DLGAP2: variants seen among roughly 807,000 people sequenced by gnomAD.
DLGAP2 encodes disks large-associated protein 2.
In DLGAP2, 26 loss-of-function variants were observed where a neutral mutation model predicts 100.3. That is an observed-to-expected ratio of 0.26 (90% CI 0.19 to 0.36). The LOEUF is 0.36. Ranked by LOEUF, DLGAP2 falls within the 10% of genes least tolerant of loss-of-function variation. DLGAP2 has a pLI of 1.00. For missense variants in DLGAP2, 1,858 were observed against 1,453.2 expected (o/e 1.28, Z -4.53); for synonymous variants, 886 against 630.1 (o/e 1.41, Z -6.08).
intron 2 of DLGAP2, among the ~76,000 whole-genome samples, chr8:967,421 A>G (rs1406450505): frequency 1.3e-5 from 2 of 152,128 alleles, no homozygotes; most frequent in South Asian, 4.1e-4. Context: ...TACTCATTTG[A>G]TTCTAAGAAA....
In DLGAP2 at chr8:1,187,442, G is replaced by A. The variant is rs186235160; in HGVS notation, c.74-71409G>A. On this transcript the variant is annotated intron_variant, in intron 2 of 14. Coordinates refer to ENST00000637795, the MANE Select transcript of DLGAP2 (RefSeq NM_001346810.2). ...GGACCTCCGTGACGTTTGCCTCACGGAATCTCACACACCCGGGACCTCCGT... is the reference window on the plus strand; with the variant it reads ...GGACCTCCGTGACGTTTGCCTCACGAAATCTCACACACCCGGGACCTCCGT... Among the ~76,000 whole-genome samples, 614 of 133,708 alleles carry A rather than the reference G, an allele frequency of 4.6e-3. 7 individuals carry two copies. Among genetic ancestry groups the A allele is most frequent in the Admixed American group, 7.3e-3 (98 of 13,510 alleles). The allele number at this position is 133,708 out of a possible 152,430, so 87.7% of individuals were successfully genotyped here. A position where few individuals can be genotyped will look rare whatever the true frequency, so the allele number is the denominator to read the frequency against.
chr8:1,150,792 G>GA lies in DLGAP2; in HGVS notation c.74-108052dup, dbSNP rs547374984. Among the ~76,000 whole-genome samples, 845 of 152,022 alleles carry GA rather than the reference G, an allele frequency of 5.6e-3. 8 individuals are homozygous for GA. Among genetic ancestry groups the GA allele is most frequent in the African/African-American group, 0.019 (780 of 41,492 alleles). ...AAACATAGATGAGTTCTTAAAAACT[G>GA]AAAAAAAGTGTTATGTGAGAATCTG... On this transcript the variant is annotated intron_variant, in intron 2 of 14. Coordinates refer to ENST00000637795, the MANE Select transcript of DLGAP2 (RefSeq NM_001346810.2).
At chr8:1,392,090 A>C (rs764755113) in intron 3 of DLGAP2, among the ~76,000 whole-genome samples, 6 of 152,224 alleles carry the variant, frequency 3.9e-5, no homozygotes, top group African/African-American at 4.8e-5. Context: ...CATAGGACTG[A>C]GAGCATGAAG....
At chr8:921,236 C>A (rs572664152) in intron 2 of DLGAP2, among the ~76,000 whole-genome samples, 2 of 152,144 alleles carry the variant, frequency 1.3e-5, no homozygotes, top group East Asian at 3.9e-4. Context: ...AGACTTGTTT[C>A]CCCTGATTTC....
chr8:1,090,783 A>G (rs1017376137), intron 2 of DLGAP2, among the ~76,000 whole-genome samples: 3 of 152,226 alleles, frequency 2.0e-5, no homozygotes, highest in Admixed American at 6.5e-5. Context: ...ATTATTATTT[A>G]GTACAAAAGC....
chr8:1,009,726 C>G (rs977879814), intron 2 of DLGAP2, among the ~76,000 whole-genome samples: 5 of 152,168 alleles, frequency 3.3e-5, no homozygotes, highest in Non-Finnish European at 7.3e-5. Flanking sequence ...TCACCTGCTG[C>G]GTGTGTAGAG....
intron 2 of DLGAP2, among the ~76,000 whole-genome samples, chr8:960,946 A>T (rs1278507433): frequency 6.6e-6 from 1 of 152,238 alleles, no homozygotes; most frequent in African/African-American, 2.4e-5. Context: ...TATGCCATTT[A>T]TACAGTTATG....
At chr8:837,420 C>A (rs112439974) in intron 1 of DLGAP2, among the ~76,000 whole-genome samples, 1 of 152,212 alleles carries the variant, frequency 6.6e-6, no homozygotes, top group African/African-American at 2.4e-5. Flanking sequence ...AGACTCCAAA[C>A]TGAAGCACGA....
In DLGAP2 at chr8:1,205,042, G is replaced by A. The variant is rs533398358; in HGVS notation, c.74-53809G>A. Among the ~76,000 whole-genome samples the A allele has an allele frequency of 5.3e-5, 8 of 152,266 alleles. No homozygotes were observed. In the East Asian group the frequency reaches 1.2e-3, roughly 22 times the overall value. ...AGCCGTAATTGCAGTCATTAGGGCT[G>A]GTCTCTGCATCATGGGGAACCGGAA... On this transcript the variant is annotated intron_variant, in intron 2 of 14. Transcript: ENST00000637795.
At chr8:1,390,090 A>G (rs1242436692) in intron 3 of DLGAP2, among the ~76,000 whole-genome samples, 2 of 151,966 alleles carry the variant, frequency 1.3e-5, no homozygotes. Context: ...GATGGAGATC[A>G]CAGGGCCCTG....
At chr8:938,041 C>G (rs1032209913) in intron 2 of DLGAP2, among the ~76,000 whole-genome samples, 1 of 152,180 alleles carries the variant, frequency 6.6e-6, no homozygotes, top group African/African-American at 2.4e-5. Context: ...TCCTTCCACA[C>G]ATATCTGCTG....
intron 2 of DLGAP2, among the ~76,000 whole-genome samples, chr8:945,637 C>T (rs972961718): frequency 1.3e-5 from 2 of 152,132 alleles, no homozygotes; most frequent in African/African-American, 4.8e-5. Flanking sequence ...CCCAAAAAGC[C>T]TATTGAGCAT....
intron 2 of DLGAP2, among the ~76,000 whole-genome samples, chr8:1,045,041 G>C (rs1298020462): frequency 6.6e-6 from 1 of 152,216 alleles, no homozygotes; most frequent in Non-Finnish European, 1.5e-5. Flanking sequence ...AGTGAGCAGA[G>C]AGAACCTCCT....
chr8:1,374,821 C>T (rs554992594), intron 3 of DLGAP2, among the ~76,000 whole-genome samples: 1 of 152,310 alleles, frequency 6.6e-6, no homozygotes, highest in South Asian at 2.1e-4. Flanking sequence ...CAAGCAGAGG[C>T]CACTCAGGAA....
At chr8:904,311 G>A (rs539210506) in intron 1 of DLGAP2, among the ~76,000 whole-genome samples, 1 of 152,326 alleles carries the variant, frequency 6.6e-6, no homozygotes, top group South Asian at 2.1e-4. Context: ...CTTGAGGTCA[G>A]GAATTTGAGA....
In DLGAP2 at chr8:1,676,035, A is replaced by G. The variant is rs76260919; in HGVS notation, c.2203-498A>G. ...CTCTTAGCAGACGTGAGACAGCTCT[A>G]TGGAGATGAAGGTGGAGAGTTTGCC... On this transcript the variant is annotated intron_variant, in intron 10 of 14. Transcript: ENST00000637795. 3.7e-3 allele frequency among the ~76,000 whole-genome samples: 564 copies of G among 152,274 alleles called. 5 individuals carry two copies. Among genetic ancestry groups the G allele is most frequent in the African/African-American group, 0.013 (547 of 41,550 alleles).
At chr8:1,385,790 G>A (rs950941466) in intron 3 of DLGAP2, among the ~76,000 whole-genome samples, 9 of 149,894 alleles carry the variant, frequency 6.0e-5, no homozygotes, top group East Asian at 2.0e-4. Context: ...ACAGTTACCC[G>A]GCCTGTGCCC....
rs182754882 is a variant in DLGAP2, at chr8:1,454,927, A to T, written c.107-46439A>T. Among the ~76,000 whole-genome samples, 170 of 152,270 alleles carry T rather than the reference A, an allele frequency of 1.1e-3. 1 individual carries two copies. Among genetic ancestry groups the T allele is most frequent in the African/African-American group, 3.8e-3 (159 of 41,560 alleles). On this transcript the variant is annotated intron_variant, in intron 3 of 14. Coordinates refer to ENST00000637795, the MANE Select transcript of DLGAP2 (RefSeq NM_001346810.2). ...ACCTGATGGCCAGGACAGGAAGAAC[A>T]GCCACCTCTGAGCTTCCCCGCCCAT...
intron 2 of DLGAP2, among the ~76,000 whole-genome samples, chr8:1,252,815 G>A (rs559319158): frequency 5.1e-4 from 77 of 152,362 alleles, no homozygotes; most frequent in African/African-American, 1.6e-3. Flanking sequence ...CTTTCCTGAC[G>A]AGCAGAGGAT....
Sources: gnomAD v4.1 joint callset for allele counts (sites outside exome capture counted in the v4.1 genomes callset) on GRCh38, gnomAD v4.1.1 for gene constraint, MANE v1.5 for transcripts, NCBI Gene and HGNC (gene_info 2026-07-23, HGNC 2026-07-21) for gene names.